ADGB: variants seen among roughly 807,000 people sequenced by gnomAD.
ADGB encodes androglobin.
Under a neutral mutation model 210.5 loss-of-function variants are expected in ADGB, and 172 were observed. The observed-to-expected ratio is 0.82, with a 90% CI of 0.72 to 0.93. The LOEUF (loss-of-function observed/expected upper bound fraction) is 0.93, where lower values mean the gene tolerates loss of function less well. ADGB is among the 40% of genes least tolerant of loss of function. ADGB has a pLI of 0.00. For synonymous variants in ADGB, 658 were observed against 662.7 expected, an observed-to-expected ratio of 0.99 and a Z score of 0.11; for missense variants, 2,025 against 1,964.8, an observed-to-expected ratio of 1.03 and a Z score of -0.58.
At chr6:146,787,832 T>C (rs1777895894) in intron 32 of ADGB, among the ~76,000 whole-genome samples, 1 of 152,164 alleles carries the variant, frequency 6.6e-6, no homozygotes, top group African/African-American at 2.4e-5. Context: ...AGGAAAATAA[T>C]GTCTCTATAT....
intron 11 of ADGB, among the ~76,000 whole-genome samples, chr6:146,692,369 T>C (rs553527721): frequency 6.6e-6 from 1 of 152,294 alleles, no homozygotes; most frequent in African/African-American, 2.4e-5. Flanking sequence ...TCTTTTTACC[T>C]CATGATCATT....
chr6:146,787,911 C>T (rs1777897231), intron 32 of ADGB, among the ~76,000 whole-genome samples: 1 of 151,160 alleles, frequency 6.6e-6, no homozygotes, highest in Admixed American at 6.6e-5. Context: ...TGAATAGACT[C>T]AGAGTATCAA....
chr6:146,750,978 A>C (rs1777312069), intron 26 of ADGB, among the ~76,000 whole-genome samples: 3 of 151,972 alleles, frequency 2.0e-5, no homozygotes, highest in South Asian at 4.1e-4. Context: ...TTGTTTATTT[A>C]TTTTTATTAA....
At chr6:146,695,771 T>C (rs918979081) in intron 12 of ADGB, among the ~76,000 whole-genome samples, 7 of 151,996 alleles carry the variant, frequency 4.6e-5, no homozygotes, top group Admixed American at 4.6e-4. Flanking sequence ...AGCATTTTAC[T>C]ATAACAGTAT....
At chr6:146,729,217 A>G (rs1243561586) in intron 20 of ADGB, among the ~76,000 whole-genome samples, 1 of 152,218 alleles carries the variant, frequency 6.6e-6, no homozygotes, top group East Asian at 1.9e-4. Context: ...TTCACAAGGC[A>G]CATATGGACC....
intron 35 of ADGB, among the ~76,000 whole-genome samples, chr6:146,814,674 G>T (rs941504162): frequency 6.6e-6 from 1 of 152,114 alleles, no homozygotes; most frequent in African/African-American, 2.4e-5. Flanking sequence ...ATACATGTGG[G>T]GAACTAGTAA....
chr6:146,652,367 T>C (rs768349279), intron 3 of ADGB, among the ~76,000 whole-genome samples: 3 of 152,168 alleles, frequency 2.0e-5, no homozygotes, highest in Non-Finnish European at 2.9e-5. Context: ...TAATTTATGA[T>C]CTGCAGAGTC....
chr6:146,705,602 C>T (rs1247585969), intron 13 of ADGB, among the ~76,000 whole-genome samples: 2 of 152,058 alleles, frequency 1.3e-5, no homozygotes, highest in Non-Finnish European at 2.9e-5. Flanking sequence ...TATGTCAAAC[C>T]ATCCTTGCAT....
chr6:146,733,087 T>C, intron 20 of ADGB, 33 bp from the exon 21 acceptor site: 1 of 1,366,250 alleles, frequency 7.3e-7, no homozygotes, highest in Non-Finnish European at 9.7e-7. Flanking sequence ...ATGATGGTAT[T>C]TTCTTGCTAT....
intron 13 of ADGB, among the ~76,000 whole-genome samples, chr6:146,705,449 T>C (rs1416751678): frequency 6.6e-6 from 1 of 152,176 alleles, no homozygotes; most frequent in African/African-American, 2.4e-5. Context: ...GTACATTCTT[T>C]ATATTAGTTG....
chr6:146,686,892 T>A (rs1431065895), intron 10 of ADGB, among the ~76,000 whole-genome samples: 2 of 152,170 alleles, frequency 1.3e-5, no homozygotes, highest in South Asian at 2.1e-4. Flanking sequence ...AAAACTTGAA[T>A]GGAAATTAGC....
rs182297996 is a variant in ADGB at position 146,801,062 on chromosome 6, C to T, written c.4538-121C>T. 4 of 430,594 alleles carry T rather than the reference C, an allele frequency of 9.3e-6. No homozygotes were observed. In the Admixed American group the frequency reaches 1.7e-4, roughly 19 times the overall value. 26.7% of individuals were successfully genotyped at this position (430,594 alleles called of 1,614,324 possible). On this transcript the variant is annotated intron_variant, in intron 33 of 35. Coordinates refer to ENST00000397944, the MANE Select transcript of ADGB (RefSeq NM_024694.4). ...TAACATTATGTTAAATAAGACAAGTCCGGTGAATGAAAATATTTTCTGTTG... is the reference window on the plus strand; with the variant it reads ...TAACATTATGTTAAATAAGACAAGTTCGGTGAATGAAAATATTTTCTGTTG...
At chr6:146,718,664 G>C (rs1337520953) in intron 16 of ADGB, among the ~76,000 whole-genome samples, 14 of 152,202 alleles carry the variant, frequency 9.2e-5, no homozygotes, top group Non-Finnish European at 1.9e-4. Context: ...ATGTTGTCCT[G>C]TCATAGGACA....
At chr6:146,804,598 G>A (rs1778183246) in intron 35 of ADGB, among the ~76,000 whole-genome samples, 1 of 152,144 alleles carries the variant, frequency 6.6e-6, no homozygotes, top group African/African-American at 2.4e-5. Flanking sequence ...TCAATTGTCA[G>A]AACCTCTCGA....
At chr6:146,742,781 G>A (rs1777178772) in intron 25 of ADGB, among the ~76,000 whole-genome samples, 1 of 152,074 alleles carries the variant, frequency 6.6e-6, no homozygotes, top group Admixed American at 6.6e-5. Context: ...AACCAAGCTT[G>A]TCCAACCTGC....
chr6:146,803,217 C>G lies in ADGB; in HGVS notation c.4818+1206C>G, dbSNP rs1341581824. 3.9e-6 allele frequency: 6 copies of G among 1,535,598 alleles called. No individual in the cohort carries two copies. In the African/African-American group the frequency reaches 8.2e-5, roughly 21 times the overall value. ...CCAGAAACTTAAAGCTACATTCAAT[C>G]TCATATTCCTGCTGAACAAAACTTG... On this transcript the variant is annotated intron_variant, in intron 35 of 35. Coordinates refer to ENST00000397944, the MANE Select transcript of ADGB (RefSeq NM_024694.4).
Position 146,700,944 on chromosome 6 carries a change from T to A in ADGB, c.1581T>A (p.His527Gln). Residue 527 changes from histidine (H) to glutamine (Q), a missense_variant, in exon 13 of 36, where the codon CAT becomes CAA. Physicochemically the swap from His to Gln is conservative, Grantham distance 24 (BLOSUM62 0). Transcript: ENST00000397944. The part of the protein sequence containing the change: ...MTPFTIPTEM[H>Q]FVRSLIKKGI... ...TGGGGTTTTGTTTTCCTTTTAGGCATTTTGTGCGCTCCTTAATTAAGAAAG... is the reference window on the plus strand; with the variant it reads ...TGGGGTTTTGTTTTCCTTTTAGGCAATTTGTGCGCTCCTTAATTAAGAAAG... 1 of 1,548,452 alleles carries A rather than the reference T, an allele frequency of 6.5e-7. No homozygotes were observed. Among genetic ancestry groups the A allele is most frequent in the Non-Finnish European group, 8.7e-7 (1 of 1,145,696 alleles).
chr6:146,779,379 GA>G (rs1215520679), intron 29 of ADGB, among the ~76,000 whole-genome samples: 1 of 152,190 alleles, frequency 6.6e-6, no homozygotes, highest in Non-Finnish European at 1.5e-5. Context: ...AGAGGGAGAA[GA>G]AAAAGAGAAA....
At position 146,801,951 on chromosome 6, in the gene ADGB, T is replaced by C; in HGVS notation, c.4758T>C (p.Ile1586=). ...CCAGAGTCCTTAGCATTCGAAACATTGACCAAGAAGAGCGGTTGAAGTTAA... is the reference window on the plus strand; with the variant it reads ...CCAGAGTCCTTAGCATTCGAAACATCGACCAAGAAGAGCGGTTGAAGTTAA... ...HRTRVLSIRN[I]DQEERLKLKD... The change falls in exon 35 of 36, where the codon ATT becomes ATC. Residue 1586 remains isoleucine, a synonymous_variant. Coordinates refer to ENST00000397944, the MANE Select transcript of ADGB (RefSeq NM_024694.4). 1.9e-6 allele frequency: 3 copies of C among 1,550,702 alleles called. No individual in the cohort carries two copies. The highest frequency in any genetic ancestry group is 1.7e-6 in the Non-Finnish European group (2 of 1,146,570).
Sources: gnomAD v4.1 joint callset for allele counts (sites outside exome capture counted in the v4.1 genomes callset) on GRCh38, gnomAD v4.1.1 for gene constraint, MANE v1.5 for transcripts, NCBI Gene and HGNC (gene_info 2026-07-23, HGNC 2026-07-21) for gene names.